The following DOCK1 variants were observed in gnomAD, a reference collection of about 807,000 sequenced individuals.
The protein encoded by DOCK1 is dedicator of cytokinesis protein 1.
Under a neutral mutation model 262.7 loss-of-function variants are expected in DOCK1, and 138 were observed. The observed-to-expected ratio is 0.53, with a 90% CI of 0.46 to 0.61. DOCK1 has a LOEUF of 0.61. Ranked by LOEUF, DOCK1 falls within the 20% of genes least tolerant of loss-of-function variation. The probability of loss-of-function intolerance (pLI) is 0.00; values close to 1 mark genes in which losing one functional copy is unlikely to be tolerated. For synonymous variants in DOCK1, 866 were observed against 867.4 expected (o/e 1.00, Z 0.03); for missense variants, 1,908 against 2,370.7 (o/e 0.80, Z 4.05).
At chr10:127,253,243 G>A (rs1256454772) in intron 28 of DOCK1, among the ~76,000 whole-genome samples, 2 of 152,300 alleles carry the variant, frequency 1.3e-5, no homozygotes, top group Admixed American at 1.3e-4. Context: ...TAGCTAGAAG[G>A]GAACAATGAC....
At chr10:127,183,071 CTTTTTTTT>C (rs3066813) in intron 27 of DOCK1, among the ~76,000 whole-genome samples, 1 of 88,634 alleles carries the variant, frequency 1.1e-5, no homozygotes, top group Non-Finnish European at 2.1e-5. Flanking sequence ...TATGGTGAAT[CTTTTTTTT>C]TTTTTTTTTT....
intron 38 of DOCK1, among the ~76,000 whole-genome samples, chr10:127,400,884 C>T (rs2067184871): frequency 6.6e-6 from 1 of 152,182 alleles, no homozygotes; most frequent in South Asian, 2.1e-4. Context: ...TAGGCCTTCC[C>T]TAAAACTCAG....
intron 1 of DOCK1, among the ~76,000 whole-genome samples, chr10:126,911,708 A>T (rs1052187614): frequency 6.6e-6 from 1 of 152,020 alleles, no homozygotes; most frequent in Non-Finnish European, 1.5e-5. Flanking sequence ...TTAAGCAGCG[A>T]TGTTCTGGAT....
chr10:127,369,158 C>T (rs1474508370), intron 33 of DOCK1, among the ~76,000 whole-genome samples: 1 of 152,150 alleles, frequency 6.6e-6, no homozygotes, highest in African/African-American at 2.4e-5. Flanking sequence ...ATTGAATAGC[C>T]GGGTGAATGT....
intron 33 of DOCK1, among the ~76,000 whole-genome samples, 185 bp downstream of exon 33, chr10:127,362,397 T>C (rs1485478252): frequency 6.6e-6 from 1 of 152,206 alleles, no homozygotes; most frequent in Non-Finnish European, 1.5e-5. Flanking sequence ...TCCCTTGCAC[T>C]CAATTTTTGG....
chr10:126,932,615 C>T (rs1231001267), intron 1 of DOCK1, among the ~76,000 whole-genome samples: 2 of 152,092 alleles, frequency 1.3e-5, no homozygotes, highest in Non-Finnish European at 2.9e-5. Flanking sequence ...CCAGGGGAAA[C>T]AAGGCCCAGC....
chr10:127,149,913 C>G (rs1179377154), intron 27 of DOCK1, among the ~76,000 whole-genome samples: 2 of 152,088 alleles, frequency 1.3e-5, no homozygotes, highest in Non-Finnish European at 2.9e-5. Context: ...TTCCTGAACT[C>G]CCGGATTCAG....
At chr10:126,928,284 C>T (rs1164541372) in intron 1 of DOCK1, among the ~76,000 whole-genome samples, 1 of 152,216 alleles carries the variant, frequency 6.6e-6, no homozygotes, top group Non-Finnish European at 1.5e-5. Context: ...CAGGGTTCAG[C>T]CTGATGAGCT....
intron 28 of DOCK1, among the ~76,000 whole-genome samples, chr10:127,253,634 G>A (rs533378593): frequency 6.6e-6 from 1 of 152,234 alleles, no homozygotes; most frequent in East Asian, 1.9e-4. Context: ...AGCACTTTGG[G>A]AGGTCGAAGC....
At chr10:127,011,537 A>G (rs1005696262) in intron 11 of DOCK1, among the ~76,000 whole-genome samples, 5 of 152,068 alleles carry the variant, frequency 3.3e-5, no homozygotes, top group African/African-American at 4.8e-5. Flanking sequence ...TGGTATTTCT[A>G]TTTGGGCATA....
intron 1 of DOCK1, among the ~76,000 whole-genome samples, chr10:126,935,065 G>A (rs1213773296): frequency 1.3e-5 from 2 of 152,136 alleles, no homozygotes. Flanking sequence ...AGCGGATCAC[G>A]CCACTGCACT....
intron 4 of DOCK1, among the ~76,000 whole-genome samples, chr10:126,985,569 G>A (rs1040477112): frequency 1.0e-3 from 154 of 152,184 alleles, no homozygotes; most frequent in African/African-American, 3.6e-3. Flanking sequence ...AAGGGAGGTC[G>A]TTGAGCTCCA....
At chr10:127,193,661 T>C (rs1041455647) in intron 27 of DOCK1, among the ~76,000 whole-genome samples, 2 of 152,226 alleles carry the variant, frequency 1.3e-5, no homozygotes, top group African/African-American at 2.4e-5. Context: ...ATTTTGATTT[T>C]TGGACTGCTT....
At chr10:127,355,376 A>G (rs1443615524) in intron 32 of DOCK1, among the ~76,000 whole-genome samples, 1 of 152,182 alleles carries the variant, frequency 6.6e-6, no homozygotes, top group Non-Finnish European at 1.5e-5. Context: ...GTATCTTCCC[A>G]GCATCTTTAC....
intron 27 of DOCK1, among the ~76,000 whole-genome samples, chr10:127,209,968 C>T (rs537598889): frequency 6.6e-6 from 1 of 152,228 alleles, no homozygotes; most frequent in South Asian, 2.1e-4. Context: ...TGGTAAGTCC[C>T]GTGGACTTGG....
At position 126,927,907 on chromosome 10, in the gene DOCK1, T is replaced by C. The variant is rs985676722; in HGVS notation, c.46+22344T>C. 4.0e-3 allele frequency among the ~76,000 whole-genome samples: 605 copies of C among 152,208 alleles called. 8 individuals are homozygous for C. Among genetic ancestry groups the C allele is most frequent in the African/African-American group, 0.014 (587 of 41,554 alleles). On this transcript the variant is annotated intron_variant, in intron 1 of 51. Coordinates refer to ENST00000623213, the MANE Select transcript of DOCK1 (RefSeq NM_001290223.2). Reference sequence around the variant, plus strand: ...AGGACTTGGGGCCAGGCAGTTACCATGCTCGGCGGAGAGGTGAGTGGTCTC... The same window carrying C: ...AGGACTTGGGGCCAGGCAGTTACCACGCTCGGCGGAGAGGTGAGTGGTCTC...
chr10:127,335,625 G>A (rs1426199382), intron 29 of DOCK1, among the ~76,000 whole-genome samples: 2 of 151,096 alleles, frequency 1.3e-5, no homozygotes, highest in Non-Finnish European at 2.9e-5. Context: ...TCGGCTCACT[G>A]CAACCTCTGC....
chr10:127,028,999 T>C (rs529958687), intron 16 of DOCK1, among the ~76,000 whole-genome samples: 134 of 152,356 alleles, frequency 8.8e-4, no homozygotes, highest in African/African-American at 3.0e-3. Flanking sequence ...TCCCGTCTTT[T>C]AACAAGCTCA....
chr10:127,301,611 G>C (rs1044678373), intron 29 of DOCK1, among the ~76,000 whole-genome samples: 3 of 152,106 alleles, frequency 2.0e-5, no homozygotes, highest in Non-Finnish European at 4.4e-5. Flanking sequence ...ATGGGCAAGG[G>C]TATGTAATGA....
Sources: gnomAD v4.1 joint callset for allele counts (sites outside exome capture counted in the v4.1 genomes callset) on GRCh38, gnomAD v4.1.1 for gene constraint, MANE v1.5 for transcripts, NCBI Gene and HGNC (gene_info 2026-07-23, HGNC 2026-07-21) for gene names.